NTNG1: variants seen among roughly 807,000 people sequenced by gnomAD.
The protein encoded by NTNG1 is netrin G1.
NTNG1 carries 16 observed loss-of-function variants against 54.0 expected under a neutral mutation model. The observed-to-expected ratio is 0.30, with a 90% CI of 0.20 to 0.45. The LOEUF (loss-of-function observed/expected upper bound fraction) is 0.45, where lower values mean the gene tolerates loss of function less well. NTNG1 is among the 20% of genes least tolerant of loss of function. The pLI, the probability that NTNG1 is intolerant of heterozygous loss-of-function variation, is 1.00. For missense variants in NTNG1, 530 were observed against 678.7 expected, an observed-to-expected ratio of 0.78 and a Z score of 2.43; for synonymous variants, 255 against 263.1, an observed-to-expected ratio of 0.97 and a Z score of 0.30.
intron 2 of NTNG1, among the ~76,000 whole-genome samples, chr1:107,220,577 G>C (rs1352319879): frequency 6.6e-6 from 1 of 152,240 alleles, no homozygotes; most frequent in Non-Finnish European, 1.5e-5. Context: ...CTACCTGCCA[G>C]ATCCTAACTC....
chr1:107,403,012 G>A (rs1350115509), intron 4 of NTNG1, among the ~76,000 whole-genome samples: 1 of 152,132 alleles, frequency 6.6e-6, no homozygotes, highest in African/African-American at 2.4e-5. Context: ...GTATTAATCA[G>A]CTTCTGAAGA....
At chr1:107,151,848 T>C (rs192847961) in intron 2 of NTNG1, among the ~76,000 whole-genome samples, 21 of 152,254 alleles carry the variant, frequency 1.4e-4, no homozygotes, top group African/African-American at 5.1e-4. Context: ...TTAACCTGGA[T>C]GGCATACTTA....
intron 2 of NTNG1, among the ~76,000 whole-genome samples, chr1:107,181,212 A>G (rs1469486766): frequency 6.6e-6 from 1 of 152,218 alleles, no homozygotes; most frequent in Non-Finnish European, 1.5e-5. Flanking sequence ...CAAGGAAAAG[A>G]ATTTTGTATT....
In NTNG1 at chr1:107,338,347, G is replaced by A. The variant is rs151281109; in HGVS notation, c.887+13425G>A. On this transcript the variant is annotated intron_variant, in intron 3 of 7. Coordinates refer to ENST00000370068, the MANE Select transcript of NTNG1 (RefSeq NM_001113226.3). ...CCTAAATATGTATAAAACATAAGCT[G>A]AACTACACCACTGTTTGACTCATGT... is the stretch of plus-strand genomic sequence containing the variant. 4.1e-3 allele frequency among the ~76,000 whole-genome samples: 624 copies of A among 151,956 alleles called. 6 individuals are homozygous for A. Among genetic ancestry groups the A allele is most frequent in the African/African-American group, 0.014 (598 of 41,492 alleles).
chr1:107,477,266 C>A lies in NTNG1; in HGVS notation c.1391-3345C>A, dbSNP rs1181920633. On this transcript the variant is annotated intron_variant, in intron 7 of 7. Coordinates refer to ENST00000370068, the MANE Select transcript of NTNG1 (RefSeq NM_001113226.3). ...GAGTGCCACCAGGCTGGTGTAGGAA[C>A]CTCTAACGGTGTGATGAAGCTGGTT... 2.0e-5 allele frequency among the ~76,000 whole-genome samples: 3 copies of A among 152,128 alleles called. No homozygotes were observed. In the East Asian group the frequency reaches 5.8e-4, roughly 29 times the overall value.
intron 2 of NTNG1, among the ~76,000 whole-genome samples, chr1:107,302,708 GT>G (rs1306989394): frequency 6.6e-6 from 1 of 151,784 alleles, no homozygotes; most frequent in Non-Finnish European, 1.5e-5. Context: ...TTTTGTTTTT[GT>G]TTTCTACCTT....
chr1:107,141,104 G>GACTTGCAGGGGGCTCCGAGAGGGGGCA lies in NTNG1; in HGVS notation c.-553_-552insGGGCTCCGAGAGGGGGCAACTTGCAGG, dbSNP rs1653630753. On this transcript the variant is annotated 5_prime_UTR_variant, in exon 1 of 8. Transcript: ENST00000370068. The stretch of plus-strand genomic sequence containing the variant: ...CTGGGTGCGGGCTCCGAGAGGGGGC[G>GACTTGCAGGGGGCTCCGAGAGGGGGCA]ACTTGCAGGAGGCTCCCCCCGGGGG... 6.6e-6 allele frequency: 1 copy of GACTTGCAGGGGGCTCCGAGAGGGGGCA among 152,338 alleles called. No individual in the cohort carries two copies. The highest frequency in any genetic ancestry group is 6.6e-5 in the Admixed American group (1 of 15,242). The allele number at this position is 152,338 out of a possible 1,614,324, so 9.4% of individuals were successfully genotyped here.
At position 107,279,382 on chromosome 1, in the gene NTNG1, T is replaced by A. The variant is rs558568888; in HGVS notation, c.247-44900T>A. The stretch of plus-strand genomic sequence containing the variant: ...TATTGTCACCATTTTTCCTGTTTTC[T>A]TCCCTCTTGAATTCATGTTGGAGCA... On this transcript the variant is annotated intron_variant, in intron 2 of 7. Transcript: ENST00000370068. Among the ~76,000 whole-genome samples the A allele has an allele frequency of 5.3e-5, 8 of 152,300 alleles. No homozygotes were observed. In the East Asian group the frequency reaches 1.5e-3, roughly 29 times the overall value.
At chr1:107,398,639 T>G (rs1234408029) in intron 4 of NTNG1, among the ~76,000 whole-genome samples, 2 of 152,198 alleles carry the variant, frequency 1.3e-5, no homozygotes, top group Non-Finnish European at 2.9e-5. Context: ...ATATTTTTAT[T>G]CATCATGCTT....
At chr1:107,248,141 T>C (rs1662322190) in intron 2 of NTNG1, among the ~76,000 whole-genome samples, 1 of 152,186 alleles carries the variant, frequency 6.6e-6, no homozygotes, top group Non-Finnish European at 1.5e-5. Flanking sequence ...TGTAATAAGG[T>C]ACCTTGTCTC....
chr1:107,440,634 C>T (rs914879886), intron 7 of NTNG1, among the ~76,000 whole-genome samples: 2 of 152,084 alleles, frequency 1.3e-5, no homozygotes, highest in Non-Finnish European at 2.9e-5. Flanking sequence ...AGCTTTCGTG[C>T]AATGTTACTG....
At chr1:107,228,596 C>A (rs992791385) in intron 2 of NTNG1, among the ~76,000 whole-genome samples, 1 of 152,082 alleles carries the variant, frequency 6.6e-6, no homozygotes, top group Non-Finnish European at 1.5e-5. Context: ...CTACTACATG[C>A]CACCCTATGG....
intron 2 of NTNG1, among the ~76,000 whole-genome samples, chr1:107,201,431 A>G (rs561573408): frequency 7.9e-5 from 12 of 151,962 alleles, no homozygotes; most frequent in Non-Finnish European, 1.3e-4. Context: ...TCATTGTGTT[A>G]CAAGGATTTC....
intron 2 of NTNG1, among the ~76,000 whole-genome samples, chr1:107,184,770 T>A (rs903221209): frequency 6.6e-6 from 1 of 152,108 alleles, no homozygotes; most frequent in Non-Finnish European, 1.5e-5. Flanking sequence ...GTGTGAAAAG[T>A]TTATAAGGAA....
intron 2 of NTNG1, among the ~76,000 whole-genome samples, chr1:107,193,558 C>T (rs749684464): frequency 8.6e-5 from 13 of 151,954 alleles, no homozygotes; most frequent in Non-Finnish European, 1.5e-4. Context: ...CACTTTCATA[C>T]GCAGCAGCCC....
At chr1:107,297,226 T>TATATATATATATATAC (rs1557878262) in intron 2 of NTNG1, among the ~76,000 whole-genome samples, 1 of 35,580 alleles carries the variant, frequency 2.8e-5, no homozygotes, top group Non-Finnish European at 6.6e-5. Context: ...CATATATATA[T>TATATATATATATATAC]ATATATATAT....
intron 2 of NTNG1, among the ~76,000 whole-genome samples, chr1:107,227,666 GCTCTCTCTCT>G (rs10642554): frequency 0.04 from 5,809 of 144,560 alleles, 297 homozygotes; most frequent in African/African-American, 0.13. Context: ...TGTCTCTCTC[GCTCTCTCTCT>G]CTCTCTCTCT....
chr1:107,273,565 T>C (rs1463239815), intron 2 of NTNG1, among the ~76,000 whole-genome samples: 1 of 152,188 alleles, frequency 6.6e-6, no homozygotes, highest in Non-Finnish European at 1.5e-5. Context: ...CTTTCCCAGC[T>C]TCTTTTCCAG....
chr1:107,398,367 G>A (rs1029131676), intron 4 of NTNG1, among the ~76,000 whole-genome samples: 17 of 152,112 alleles, frequency 1.1e-4, no homozygotes, highest in Non-Finnish European at 1.2e-4. Flanking sequence ...AATTAAGTCA[G>A]GGAATGACAA....
Sources: allele counts gnomAD v4.1 joint callset (sites outside exome capture counted in the v4.1 genomes callset), GRCh38; gene constraint gnomAD v4.1.1; transcripts MANE v1.5; gene names NCBI Gene and HGNC (gene_info 2026-07-23, HGNC 2026-07-21).